Variants in GALNT13 observed in about 807,000 individuals in gnomAD.
GALNT13 encodes UDP-GalNAc:polypeptide N-acetylgalactosaminyltransferase 13.
Under a neutral mutation model 64.2 loss-of-function variants are expected in GALNT13, and 28 were observed. The ratio of observed to expected loss-of-function variants is 0.44; its 90% confidence interval spans 0.32 to 0.60. The LOEUF (loss-of-function observed/expected upper bound fraction) is 0.60, where lower values mean the gene tolerates loss of function less well. Among genes scored for constraint, GALNT13 ranks in the 20% least tolerant of loss-of-function variants. The pLI is 0.05. For synonymous variants in GALNT13, 214 were observed against 224.6 expected, an observed-to-expected ratio of 0.95 and a Z score of 0.42; for missense variants, 577 against 669.8, an observed-to-expected ratio of 0.86 and a Z score of 1.53.
chr2:154,360,340 C>T (rs1170940351), intron 9 of GALNT13, among the ~76,000 whole-genome samples: 2 of 152,120 alleles, frequency 1.3e-5, no homozygotes, highest in Non-Finnish European at 2.9e-5. Context: ...TATATTCAGG[C>T]TTTGTTCATT....
the GALNT13 span, among the ~76,000 whole-genome samples, chr2:153,167,603 G>C: frequency 2.4e-3 from 366 of 152,270 alleles, 2 homozygotes; most frequent in African/African-American, 8.5e-3. Flanking sequence ...TTCCTTTGGT[G>C]ATTGCTTCAC....
chr2:153,233,015 A>G, the GALNT13 span, among the ~76,000 whole-genome samples: 2 of 152,200 alleles, frequency 1.3e-5, no homozygotes, highest in Non-Finnish European at 2.9e-5. Flanking sequence ...TGGATGGTAC[A>G]CAGTCAGCAC....
At chr2:153,912,534 G>T (rs768244167) in intron 2 of GALNT13, among the ~76,000 whole-genome samples, 5 of 151,966 alleles carry the variant, frequency 3.3e-5, no homozygotes, top group Admixed American at 3.3e-4. Flanking sequence ...CATCTTTGTG[G>T]GTCTGCTGTT....
At chr2:154,152,653 C>T (rs903816831) in intron 4 of GALNT13, among the ~76,000 whole-genome samples, 2 of 152,130 alleles carry the variant, frequency 1.3e-5, no homozygotes, top group Admixed American at 6.6e-5. Flanking sequence ...TTTCTCTAAA[C>T]TTCCCCTCTC....
chr2:153,137,436 G>GTGAACC, the GALNT13 span, among the ~76,000 whole-genome samples: 1 of 152,044 alleles, frequency 6.6e-6, no homozygotes, highest in African/African-American at 2.4e-5. Flanking sequence ...CTGTCCTCAA[G>GTGAACC]TGAACCTGAA....
chr2:153,791,578 A>G, the GALNT13 span, among the ~76,000 whole-genome samples: 4 of 152,198 alleles, frequency 2.6e-5, no homozygotes, highest in African/African-American at 9.7e-5. Flanking sequence ...TGCTGAGTAT[A>G]TACACAAAGG....
chr2:153,959,939 C>T (rs972091878), intron 3 of GALNT13, among the ~76,000 whole-genome samples: 4 of 152,168 alleles, frequency 2.6e-5, no homozygotes, highest in African/African-American at 4.8e-5. Context: ...GCCTCACAGC[C>T]GTCTCACCGA....
At chr2:153,482,562 C>G in the GALNT13 span, among the ~76,000 whole-genome samples, 1 of 152,166 alleles carries the variant, frequency 6.6e-6, no homozygotes, top group Non-Finnish European at 1.5e-5. Context: ...CTCCGCCTCC[C>G]AGGTTCAAGC....
chr2:154,110,266 CAGAACTA>C (rs1702861549), intron 3 of GALNT13, among the ~76,000 whole-genome samples: 2 of 89,576 alleles, frequency 2.2e-5, no homozygotes, highest in South Asian at 4.2e-4. Flanking sequence ...TCTAGAGGGA[CAGAACTA>C]ATAGGATATA....
chr2:153,681,130 G>T, the GALNT13 span, among the ~76,000 whole-genome samples: 1 of 151,934 alleles, frequency 6.6e-6, no homozygotes, highest in Non-Finnish European at 1.5e-5. Flanking sequence ...TCCCCAATTT[G>T]TCTGACAAGG....
intron 3 of GALNT13, among the ~76,000 whole-genome samples, chr2:153,955,509 A>T (rs1241258549): frequency 6.6e-6 from 1 of 152,182 alleles, no homozygotes; most frequent in Admixed American, 6.5e-5. Context: ...AATCAGTCAT[A>T]AAAGGGTTTC....
the GALNT13 span, among the ~76,000 whole-genome samples, chr2:153,783,561 C>T: frequency 6.6e-6 from 1 of 152,116 alleles, no homozygotes; most frequent in Non-Finnish European, 1.5e-5. Flanking sequence ...GGACTTCACA[C>T]CCTTTTATCT....
chr2:154,429,992 A>G (rs1486947631), intron 11 of GALNT13, among the ~76,000 whole-genome samples: 1 of 152,314 alleles, frequency 6.6e-6, no homozygotes, highest in African/African-American at 2.4e-5. Flanking sequence ...TCTGAGGAAA[A>G]AAAGATTCCT....
chr2:154,036,513 C>G (rs777607366), intron 3 of GALNT13, among the ~76,000 whole-genome samples: 10 of 152,048 alleles, frequency 6.6e-5, no homozygotes, highest in Non-Finnish European at 1.3e-4. Context: ...ATGATAGACA[C>G]TAGTAATGGT....
At chr2:153,573,440 A>G in the GALNT13 span, among the ~76,000 whole-genome samples, 1 of 151,938 alleles carries the variant, frequency 6.6e-6, no homozygotes, top group African/African-American at 2.4e-5. Flanking sequence ...GTCCATTTAC[A>G]TTCAGTGTTA....
chr2:154,439,857 G>A (rs7566589), intron 12 of GALNT13, among the ~76,000 whole-genome samples: 48,862 of 151,808 alleles, frequency 0.32, 9,342 homozygotes, highest in Admixed American at 0.48. Flanking sequence ...CATAATTGAG[G>A]GCAAACACTG....
At chr2:153,602,247 C>A in the GALNT13 span, among the ~76,000 whole-genome samples, 35,655 of 151,704 alleles carry the variant, frequency 0.24, 4,945 homozygotes, top group African/African-American at 0.39. Context: ...CATCTACTAT[C>A]TTCTAAGTAC....
the GALNT13 span, among the ~76,000 whole-genome samples, chr2:153,409,182 C>T: frequency 1.3e-5 from 2 of 151,938 alleles, no homozygotes; most frequent in African/African-American, 4.8e-5. Flanking sequence ...TGAACCACTG[C>T]TGGCTTCCTT....
the GALNT13 span, among the ~76,000 whole-genome samples, chr2:153,854,244 G>A: frequency 3.3e-5 from 5 of 151,508 alleles, no homozygotes; most frequent in African/African-American, 1.2e-4. Flanking sequence ...CTATAAATCC[G>A]AAATAATTAA....
Sources: gnomAD v4.1 joint callset for allele counts (sites outside exome capture counted in the v4.1 genomes callset) on GRCh38, gnomAD v4.1.1 for gene constraint, MANE v1.5 for transcripts, NCBI Gene and HGNC (gene_info 2026-07-23, HGNC 2026-07-21) for gene names.